The following CDH13 variants were observed in gnomAD, a reference collection of about 807,000 sequenced individuals.
The protein encoded by CDH13 is cadherin-13.
Under a neutral mutation model 63.8 loss-of-function variants are expected in CDH13, and 24 were observed. That is an observed-to-expected ratio of 0.38 (90% CI 0.27 to 0.53). The LOEUF (loss-of-function observed/expected upper bound fraction) is 0.53, where lower values mean the gene tolerates loss of function less well. Ranked by LOEUF, CDH13 falls within the 20% of genes least tolerant of loss-of-function variation. The probability of loss-of-function intolerance (pLI) is 0.85; values close to 1 mark genes in which losing one functional copy is unlikely to be tolerated. For missense variants in CDH13, 1,049 were observed against 903.1 expected, an observed-to-expected ratio of 1.16 and a Z score of -2.07; for synonymous variants, 503 against 355.3, an observed-to-expected ratio of 1.42 and a Z score of -4.67.
chr16:83,191,534 T>C (rs375168588), intron 4 of CDH13, among the ~76,000 whole-genome samples: 9,494 of 79,486 alleles, frequency 0.12, 439 homozygotes, highest in Non-Finnish European at 0.14. Context: ...CACACACATA[T>C]ATATATATAT....
chr16:82,915,096 C>G (rs909076029), intron 2 of CDH13, among the ~76,000 whole-genome samples: 2 of 152,162 alleles, frequency 1.3e-5, no homozygotes, highest in African/African-American at 4.8e-5. Context: ...GAAATGTAAC[C>G]CTGAGACAGC....
chr16:83,579,239 A>G (rs1905316571), intron 7 of CDH13, among the ~76,000 whole-genome samples: 1 of 152,162 alleles, frequency 6.6e-6, no homozygotes, highest in South Asian at 2.1e-4. Context: ...GGGAGAGTGA[A>G]TCACCCCAGG....
At chr16:83,209,167 C>T (rs1333993973) in intron 4 of CDH13, among the ~76,000 whole-genome samples, 1 of 152,156 alleles carries the variant, frequency 6.6e-6, no homozygotes. Flanking sequence ...AGAACCACAA[C>T]CACCTGTAAA....
At chr16:83,281,860 C>T (rs768107596) in intron 5 of CDH13, among the ~76,000 whole-genome samples, 51 of 152,024 alleles carry the variant, frequency 3.4e-4, no homozygotes, top group Non-Finnish European at 6.6e-4. Context: ...TTGCAGTGAG[C>T]CGAGATTGCA....
intron 1 of CDH13, among the ~76,000 whole-genome samples, chr16:82,780,258 C>T (rs899614394): frequency 6.6e-6 from 1 of 152,156 alleles, no homozygotes; most frequent in Non-Finnish European, 1.5e-5. Flanking sequence ...AGCTCTGTCT[C>T]CACTCTCCCT....
chr16:83,250,325 T>C (rs1041102469), intron 5 of CDH13, among the ~76,000 whole-genome samples: 1 of 152,192 alleles, frequency 6.6e-6, no homozygotes, highest in Non-Finnish European at 1.5e-5. Flanking sequence ...CAGCCACCGT[T>C]CCAAGTGTTG....
intron 6 of CDH13, among the ~76,000 whole-genome samples, chr16:83,479,438 C>G (rs749831125): frequency 1.8e-4 from 28 of 152,078 alleles, no homozygotes; most frequent in Admixed American, 4.6e-4. Flanking sequence ...GGGCAGATCA[C>G]GAGTTCAGGA....
intron 6 of CDH13, among the ~76,000 whole-genome samples, chr16:83,471,958 A>T (rs2073464728): frequency 6.6e-6 from 1 of 152,194 alleles, no homozygotes; most frequent in African/African-American, 2.4e-5. Context: ...GGTTTTAAAA[A>T]ATATCATTTC....
intron 10 of CDH13, among the ~76,000 whole-genome samples, chr16:83,702,736 C>T (rs1296702529): frequency 6.6e-6 from 1 of 152,158 alleles, no homozygotes; most frequent in Non-Finnish European, 1.5e-5. Context: ...CCCTGGTCAC[C>T]TCCAGAGCTG....
intron 6 of CDH13, among the ~76,000 whole-genome samples, chr16:83,424,808 T>C (rs1353833597): frequency 6.6e-6 from 1 of 152,196 alleles, no homozygotes; most frequent in Non-Finnish European, 1.5e-5. Flanking sequence ...CCAATTTTAA[T>C]CCCAAGGTTG....
intron 7 of CDH13, among the ~76,000 whole-genome samples, chr16:83,539,943 C>A (rs567802694): frequency 6.6e-6 from 1 of 152,292 alleles, no homozygotes; most frequent in South Asian, 2.1e-4. Context: ...CCCTGACATT[C>A]CATTGGTGGA....
intron 1 of CDH13, among the ~76,000 whole-genome samples, chr16:82,717,848 T>G (rs962647244): frequency 7.1e-6 from 1 of 140,546 alleles, no homozygotes; most frequent in Non-Finnish European, 1.5e-5. Context: ...CCTACTGTAG[T>G]AGGGGTTCAT....
intron 13 of CDH13, among the ~76,000 whole-genome samples, chr16:83,788,465 A>ATTTT (rs11320143): frequency 0.11 from 16,829 of 149,900 alleles, 1,414 homozygotes; most frequent in African/African-American, 0.24. Context: ...TAAACATTGA[A>ATTTT]TTTTTTTTTT....
chr16:82,932,115 C>A (rs1457939101), intron 2 of CDH13, among the ~76,000 whole-genome samples: 1 of 152,176 alleles, frequency 6.6e-6, no homozygotes, highest in East Asian at 1.9e-4. Flanking sequence ...CTGAAGGAAT[C>A]ACTCACAGAA....
intron 3 of CDH13, among the ~76,000 whole-genome samples, chr16:83,051,771 A>G (rs540025589): frequency 2.0e-5 from 3 of 152,246 alleles, no homozygotes; most frequent in South Asian, 2.1e-4. Flanking sequence ...TGTATTATCC[A>G]TCACATTATT....
At chr16:83,726,097 A>T (rs935346395) in intron 10 of CDH13, 1 of 152,246 alleles carries the variant, frequency 6.6e-6, no homozygotes, top group Non-Finnish European at 1.5e-5. Flanking sequence ...TTTCATGTAG[A>T]GAAAACTGGA....
At chr16:83,438,941 T>G (rs2052933482) in intron 6 of CDH13, among the ~76,000 whole-genome samples, 2 of 152,214 alleles carry the variant, frequency 1.3e-5, no homozygotes, top group Admixed American at 6.5e-5. Flanking sequence ...AGGCAGCACA[T>G]TTATCATGCA....
intron 4 of CDH13, among the ~76,000 whole-genome samples, chr16:83,169,259 C>T (rs1013193445): frequency 4.0e-5 from 6 of 151,808 alleles, no homozygotes; most frequent in Non-Finnish European, 7.4e-5. Flanking sequence ...TCACTGCAAC[C>T]TCCACCTCCT....
intron 7 of CDH13, among the ~76,000 whole-genome samples, chr16:83,489,785 A>G (rs953811145): frequency 3.4e-4 from 52 of 152,312 alleles, no homozygotes; most frequent in Middle Eastern, 3.4e-3. Context: ...TCTACTTCTC[A>G]GCCAGATGGG....
Sources: gnomAD v4.1 joint callset for allele counts (sites outside exome capture counted in the v4.1 genomes callset) on GRCh38, gnomAD v4.1.1 for gene constraint, MANE v1.5 for transcripts, NCBI Gene and HGNC (gene_info 2026-07-23, HGNC 2026-07-21) for gene names.